Variants in KIAA1217 observed in about 807,000 individuals in gnomAD.
The protein encoded by KIAA1217 is KIAA1217.
A neutral mutation model predicts 163.9 loss-of-function variants in KIAA1217; 88 were observed. The observed-to-expected ratio is 0.54, with a 90% confidence interval of 0.45 to 0.64. The LOEUF is 0.64. Among genes scored for constraint, KIAA1217 ranks in the 30% least tolerant of loss-of-function variants. The pLI is 0.00. For missense variants in KIAA1217, 2,372 were observed against 2,475.0 expected, an observed-to-expected ratio of 0.96 and a Z score of 0.88; for synonymous variants, 903 against 923.1, an observed-to-expected ratio of 0.98 and a Z score of 0.39.
At position 24,295,718 on chromosome 10, in the gene KIAA1217, C is replaced by T. The variant is rs1163665416; in HGVS notation, c.354+75809C>T. Among the ~76,000 whole-genome samples, 3 of 152,154 alleles carry T rather than the reference C, an allele frequency of 2.0e-5. No homozygotes were observed. The East Asian group carries it at 5.8e-4, about 29-fold the overall frequency. On this transcript the variant is annotated intron_variant, in intron 2 of 20. Transcript: ENST00000376454. ...TGAGGGTGAAGGGTCTCTTTGTTGACACTGGTCCCTCTGCCGGGCATCCTC... is the reference window on the plus strand; with the variant it reads ...TGAGGGTGAAGGGTCTCTTTGTTGATACTGGTCCCTCTGCCGGGCATCCTC...
rs1458726498 is a variant in KIAA1217 at position 24,544,451 on chromosome 10, C to T, written c.5181C>T (p.Pro1727=). Residue 1727 remains proline, a synonymous_variant, in exon 19 of 21, where the codon CCC becomes CCT. Coordinates refer to ENST00000376454, the MANE Select transcript of KIAA1217 (RefSeq NM_019590.5). ...ATGAAGGTCCCACTGCCCTAGAGCC[C>T]CCTACGTCGATACCTTCAGCTTCAC... ...VPDEGPTALE[P]PTSIPSASRK... The T allele has an allele frequency of 3.1e-6, 5 of 1,613,666 alleles. No individual in the cohort carries two copies. The South Asian group carries it at 5.5e-5, about 18-fold the overall frequency.
At chr10:24,159,298 A>G (rs2065012647) in intron 2 of KIAA1217, among the ~76,000 whole-genome samples, 1 of 152,190 alleles carries the variant, frequency 6.6e-6, no homozygotes, top group African/African-American at 2.4e-5. Context: ...ATTCTTTTAA[A>G]AAAACCTACT....
chr10:24,422,519 T>G (rs2058817343), intron 3 of KIAA1217, among the ~76,000 whole-genome samples: 1 of 152,218 alleles, frequency 6.6e-6, no homozygotes, highest in Non-Finnish European at 1.5e-5. Context: ...AGTTCTGTTG[T>G]GACTTTACAT....
At chr10:23,907,414 A>G (rs1278806064) in intron 1 of KIAA1217, among the ~76,000 whole-genome samples, 1 of 151,886 alleles carries the variant, frequency 6.6e-6, no homozygotes, top group Non-Finnish European at 1.5e-5. Context: ...GGTTCATACA[A>G]TTATGGAGGT....
intron 2 of KIAA1217, among the ~76,000 whole-genome samples, chr10:24,376,287 C>T (rs1266895716): frequency 6.6e-6 from 1 of 152,158 alleles, no homozygotes; most frequent in Non-Finnish European, 1.5e-5. Flanking sequence ...ATGACATGAT[C>T]TTTTCTTCTT....
At chr10:24,449,889 G>C (rs1050365442) in intron 5 of KIAA1217, 1 of 296,000 alleles carries the variant, frequency 3.4e-6, no homozygotes, top group African/African-American at 2.3e-5. Context: ...TGCAATTTTA[G>C]GTTTTATTTT....
chr10:24,122,374 C>T (rs139002949), intron 2 of KIAA1217, among the ~76,000 whole-genome samples: 1 of 152,204 alleles, frequency 6.6e-6, no homozygotes, highest in East Asian at 1.9e-4. Flanking sequence ...ATATGTACCA[C>T]ATTTTCTTTA....
intron 2 of KIAA1217, chr10:24,367,087 C>T: frequency 1.1e-6 from 1 of 920,974 alleles, no homozygotes. Flanking sequence ...CTTTTCTTTC[C>T]TATTTTTTTC....
In KIAA1217 at chr10:24,355,690, AGCTGAGCAG is replaced by A. The variant is rs1484065975; in HGVS notation, c.355-25172_355-25164del. On this transcript the variant is annotated intron_variant, in intron 2 of 20. Transcript: ENST00000376454. ...AGTGTTGTAGGTCTTCTGTCGCCAC[AGCTGAGCAG>A]GCTGAGATGAGCATAGCAAGTCCTC... 2.9e-5 allele frequency among the ~76,000 whole-genome samples: 4 copies of A among 136,620 alleles called. No homozygotes were observed. In the Admixed American group the frequency reaches 3.0e-4, roughly 10 times the overall value. 89.6% of individuals were successfully genotyped at this position (136,620 alleles called of 152,430 possible).
chr10:23,895,379 A>AAC (rs1399010229), intron 1 of KIAA1217, among the ~76,000 whole-genome samples: 1 of 152,204 alleles, frequency 6.6e-6, no homozygotes, highest in Non-Finnish European at 1.5e-5. Flanking sequence ...CAGCTAAAAA[A>AAC]ACACATGAAA....
chr10:24,282,817 T>C (rs1034082732), intron 2 of KIAA1217, among the ~76,000 whole-genome samples: 4 of 147,962 alleles, frequency 2.7e-5, no homozygotes, highest in Non-Finnish European at 6.0e-5. Context: ...TACTGAGGTG[T>C]TGCTTCTTTT....
Position 24,177,297 on chromosome 10 carries a change from ATT to A in KIAA1217, c.-170-42328_-170-42327del, listed in dbSNP as rs1491122993. ...TATATATATATATATATATATATAT[ATT>A]ACAATTTCTTTGTCATATATATCAC... On this transcript the variant is annotated intron_variant, in intron 2 of 18. Coordinates refer to the KIAA1217 transcript ENST00000376462. 1.6e-3 allele frequency among the ~76,000 whole-genome samples: 107 copies of A among 65,958 alleles called. 1 individual carries two copies. Among genetic ancestry groups the A allele is most frequent in the South Asian group, 3.7e-3 (6 of 1,626 alleles). 43.3% of individuals were successfully genotyped at this position (65,958 alleles called of 152,430 possible). A position where few individuals can be genotyped will look rare whatever the true frequency, so the allele number is the denominator to read the frequency against.
rs116417212 is a variant in KIAA1217 at position 23,912,966 on chromosome 10, T to C, written c.-320-94259T>C. On this transcript the variant is annotated intron_variant, in intron 1 of 18. Transcript: ENST00000376462. The stretch of plus-strand genomic sequence containing the variant: ...AGGCTTGCTTTGGCTAGTCTGTCAC[T>C]GACGTTTTTCTCAGCCTGTCAGTTT... 6.0e-3 allele frequency among the ~76,000 whole-genome samples: 920 copies of C among 152,304 alleles called. 11 individuals are homozygous for C. Among genetic ancestry groups the C allele is most frequent in the African/African-American group, 0.021 (864 of 41,572 alleles).
intron 2 of KIAA1217, among the ~76,000 whole-genome samples, chr10:24,057,362 C>A (rs2060566196): frequency 6.6e-6 from 1 of 152,224 alleles, no homozygotes; most frequent in South Asian, 2.1e-4. Flanking sequence ...ACATGTACAG[C>A]AGATCTAGAA....
intron 2 of KIAA1217, among the ~76,000 whole-genome samples, chr10:24,282,052 A>G (rs2078002546): frequency 6.6e-6 from 1 of 151,762 alleles, no homozygotes; most frequent in South Asian, 2.1e-4. Context: ...GCGAGACTCC[A>G]TCTCAACAAC....
intron 2 of KIAA1217, among the ~76,000 whole-genome samples, chr10:24,152,942 T>C (rs975326170): frequency 6.6e-6 from 1 of 152,148 alleles, no homozygotes; most frequent in Non-Finnish European, 1.5e-5. Context: ...CATTCTGAAG[T>C]TAAGAATAAA....
At chr10:24,144,471 T>C (rs1478784197) in intron 2 of KIAA1217, among the ~76,000 whole-genome samples, 2 of 152,224 alleles carry the variant, frequency 1.3e-5, no homozygotes, top group Non-Finnish European at 2.9e-5. Context: ...TCATGGCTGA[T>C]TGCAAAGACA....
chr10:24,395,633 T>A (rs2055624820), intron 3 of KIAA1217, among the ~76,000 whole-genome samples: 1 of 152,220 alleles, frequency 6.6e-6, no homozygotes, highest in African/African-American at 2.4e-5. Flanking sequence ...CTAGGCACGT[T>A]CTTGTGCTTC....
intron 2 of KIAA1217, among the ~76,000 whole-genome samples, chr10:24,099,024 T>C (rs1002205924): frequency 6.6e-6 from 1 of 151,940 alleles, no homozygotes; most frequent in African/African-American, 2.4e-5. Context: ...TAAACCACTG[T>C]AGAAAAAACA....
Sources: allele counts gnomAD v4.1 joint callset (sites outside exome capture counted in the v4.1 genomes callset), GRCh38; gene constraint gnomAD v4.1.1; transcripts MANE v1.5; gene names NCBI Gene and HGNC (gene_info 2026-07-23, HGNC 2026-07-21).